Variants in FRMD3 observed in about 807,000 individuals in gnomAD.
FRMD3 encodes the protein FERM domain containing 3.
In FRMD3, 33 loss-of-function variants were observed where a neutral mutation model predicts 70.2. The ratio of observed to expected loss-of-function variants is 0.47; its 90% CI spans 0.36 to 0.63. FRMD3 has a LOEUF of 0.63. Among genes scored for constraint, FRMD3 ranks in the 20% least tolerant of loss-of-function variants. FRMD3 has a pLI of 0.00. For synonymous variants in FRMD3, 279 were observed against 255.9 expected, an observed-to-expected ratio of 1.09 and a Z score of -0.86; for missense variants, 632 against 711.4, an observed-to-expected ratio of 0.89 and a Z score of 1.27.
chr9:83,315,812 G>A (rs1396916233), intron 6 of FRMD3, among the ~76,000 whole-genome samples: 8 of 152,194 alleles, frequency 5.3e-5, no homozygotes, highest in Non-Finnish European at 1.2e-4. Flanking sequence ...CGCACACCGG[G>A]TACCTTCCGC....
chr9:83,297,541 A>G (rs10780587), intron 12 of FRMD3: 159,913 of 298,910 alleles, frequency 0.53, 46,421 homozygotes, highest in East Asian at 0.63. Context: ...ATTCTGAAAC[A>G]GATGAATGAT....
intron 1 of FRMD3, among the ~76,000 whole-genome samples, chr9:83,467,266 A>G (rs1021656765): frequency 1.3e-5 from 2 of 152,172 alleles, no homozygotes; most frequent in Admixed American, 6.5e-5. Context: ...CTTGATCTTG[A>G]CCTCAGCAGG....
At chr9:83,515,272 A>C (rs1413645464) in intron 1 of FRMD3, among the ~76,000 whole-genome samples, 1 of 152,236 alleles carries the variant, frequency 6.6e-6, no homozygotes, top group East Asian at 1.9e-4. Flanking sequence ...AGAGAATAAC[A>C]TAAATGACCT....
chr9:83,367,754 T>G (rs1824836446), intron 3 of FRMD3, among the ~76,000 whole-genome samples: 1 of 152,200 alleles, frequency 6.6e-6, no homozygotes, highest in African/African-American at 2.4e-5. Flanking sequence ...ACTACTCAAG[T>G]TATATATTTT....
chr9:83,358,433 A>G (rs1420180517), intron 3 of FRMD3, among the ~76,000 whole-genome samples: 2 of 151,916 alleles, frequency 1.3e-5, no homozygotes, highest in African/African-American at 4.8e-5. Context: ...TTGGTTCCAT[A>G]TGGTTTTTAG....
At chr9:83,576,036 C>G in the FRMD3 span, among the ~76,000 whole-genome samples, 1 of 151,366 alleles carries the variant, frequency 6.6e-6, no homozygotes, top group Non-Finnish European at 1.5e-5. Flanking sequence ...AGCAAGACCT[C>G]ATCTCTACAA....
intron 1 of FRMD3, among the ~76,000 whole-genome samples, chr9:83,504,199 C>T (rs749458009): frequency 1.3e-5 from 2 of 152,134 alleles, no homozygotes; most frequent in Non-Finnish European, 2.9e-5. Flanking sequence ...TTGACTTTCA[C>T]ACAAACGGAA....
chr9:83,396,335 A>G (rs1214375429), intron 1 of FRMD3, among the ~76,000 whole-genome samples: 1 of 152,266 alleles, frequency 6.6e-6, no homozygotes, highest in Non-Finnish European at 1.5e-5. Context: ...AATACAAAGC[A>G]CATTATAATA....
At chr9:83,584,728 G>A in the FRMD3 span, among the ~76,000 whole-genome samples, 1 of 152,114 alleles carries the variant, frequency 6.6e-6, no homozygotes, top group Non-Finnish European at 1.5e-5. Flanking sequence ...CTCCTCTCAG[G>A]GAATAAGGCA....
chr9:83,367,270 T>C (rs565181682), intron 3 of FRMD3, among the ~76,000 whole-genome samples: 2 of 152,274 alleles, frequency 1.3e-5, no homozygotes, highest in Admixed American at 6.5e-5. Context: ...GAGAAGGGTA[T>C]TCCCTCAGCA....
chr9:83,451,107 G>A (rs1827641099), intron 1 of FRMD3, among the ~76,000 whole-genome samples: 1 of 152,118 alleles, frequency 6.6e-6, no homozygotes, highest in African/African-American at 2.4e-5. Context: ...AGCCAAGTCA[G>A]TGGAATTTTT....
In FRMD3 at chr9:83,467,596, A is replaced by G. The variant is rs1043448589; in HGVS notation, c.147+70489T>C. 7.8e-6 allele frequency: 11 copies of G among 1,416,712 alleles called. No homozygotes were observed. The Admixed American group carries it at 1.8e-4, about 23-fold the overall frequency. 87.8% of individuals were successfully genotyped at this position (1,416,712 alleles called of 1,614,324 possible). On this transcript the variant is annotated intron_variant, in intron 1 of 13. Coordinates refer to ENST00000304195, the MANE Select transcript of FRMD3 (RefSeq NM_174938.6). ...ATAAAAGCGTACCTGAGTTGATTAC[A>G]TTTTAGCTGACTGACACATACCTTT...
At chr9:83,297,652 A>C (rs1027925774) in intron 12 of FRMD3, 15 of 445,276 alleles carry the variant, frequency 3.4e-5, no homozygotes, top group Non-Finnish European at 5.1e-5. Context: ...GGCAGGCTGC[A>C]CTTTCAGGAT....
chr9:83,393,725 G>A (rs766384223), intron 1 of FRMD3, among the ~76,000 whole-genome samples: 6 of 151,938 alleles, frequency 3.9e-5, no homozygotes, highest in South Asian at 2.1e-4. Context: ...TAATGCTGCC[G>A]CTGATCTGAC....
intron 1 of FRMD3, among the ~76,000 whole-genome samples, chr9:83,425,714 T>C (rs971387670): frequency 1.4e-5 from 2 of 143,370 alleles, no homozygotes; most frequent in African/African-American, 5.5e-5. Context: ...GAGACCAGCC[T>C]GGCCAACATG....
chr9:83,256,835 C>A (rs141114830), intron 13 of FRMD3, among the ~76,000 whole-genome samples: 3 of 152,200 alleles, frequency 2.0e-5, no homozygotes, highest in African/African-American at 7.2e-5. Flanking sequence ...CATCTCACAC[C>A]AGCCAGAATG....
intron 1 of FRMD3, among the ~76,000 whole-genome samples, chr9:83,398,275 G>A (rs1564057871): frequency 2.6e-5 from 4 of 152,180 alleles, no homozygotes; most frequent in Admixed American, 1.3e-4. Flanking sequence ...ATTACAAACA[G>A]TAACTGGCAT....
At chr9:83,450,610 C>T (rs1225556928) in intron 1 of FRMD3, among the ~76,000 whole-genome samples, 1 of 152,048 alleles carries the variant, frequency 6.6e-6, no homozygotes, top group African/African-American at 2.4e-5. Flanking sequence ...ATAGCAGAGT[C>T]CCCACGTGGC....
At chr9:83,480,205 C>A (rs1828534351) in intron 1 of FRMD3, among the ~76,000 whole-genome samples, 1 of 152,086 alleles carries the variant, frequency 6.6e-6, no homozygotes, top group African/African-American at 2.4e-5. Flanking sequence ...ATAAATAGGG[C>A]AGCAAATGAA....
Sources: gnomAD v4.1 joint callset for allele counts (sites outside exome capture counted in the v4.1 genomes callset) on GRCh38, gnomAD v4.1.1 for gene constraint, MANE v1.5 for transcripts, NCBI Gene and HGNC (gene_info 2026-07-23, HGNC 2026-07-21) for gene names.